MSH6: variants seen among roughly 807,000 people sequenced by gnomAD.
MSH6 encodes the protein mutS homolog 6, also known as DNA mismatch repair protein Msh6.
MSH6 carries 85 observed loss-of-function variants against 119.1 expected under a neutral mutation model. The ratio of observed to expected loss-of-function variants is 0.71; its 90% CI spans 0.60 to 0.85. The LOEUF is 0.85. MSH6 is among the 40% of genes least tolerant of loss of function. MSH6 has a pLI of 0.00. For synonymous variants in MSH6, 830 were observed against 586.9 expected, an observed-to-expected ratio of 1.41 and a Z score of -5.99; for missense variants, 2,163 against 1,655.3, an observed-to-expected ratio of 1.31 and a Z score of -5.32.
In MSH6 at chr2:47,799,992, G is replaced by GGTT; in HGVS notation, c.2011_2013dup (p.Leu671dup). The GGTT allele has an allele frequency of 6.2e-7, 1 of 1,613,960 alleles. No individual in the cohort carries two copies. Among genetic ancestry groups the GGTT allele is most frequent in the Non-Finnish European group, 8.5e-7 (1 of 1,179,980 alleles). On this transcript the variant is annotated inframe_insertion, in exon 4 of 10. Coordinates refer to ENST00000234420, the MANE Select transcript of MSH6 (RefSeq NM_000179.3). Reference sequence around the variant, plus strand: ...ATGACTTCAGAGTCTGATTCCATTGGGTTGACACCAGGAGAGAAAAGTGAA... The same window carrying GGTT: ...ATGACTTCAGAGTCTGATTCCATTGGGTTGTTGACACCAGGAGAGAAAAGTGAA...
Position 47,800,753 on chromosome 2 carries a change from A to T in MSH6, c.2770A>T (p.Thr924Ser), listed in dbSNP as rs758873844. The T allele has an allele frequency of 1.2e-6, 2 of 1,614,158 alleles. No individual in the cohort carries two copies. Among genetic ancestry groups the T allele is most frequent in the Admixed American group, 3.3e-5 (2 of 60,012 alleles). Residue 924 changes from threonine to serine, a missense_variant, in exon 4 of 10, where the codon ACT becomes TCT. Transcript: ENST00000234420. ...TAFDHEKARK[T>S]GLITPKAGFD... ...CTTTGACCATGAAAAGGCTCGAAAG[A>T]CTGGACTTATTACTCCCAAAGCAGG...
At position 47,800,371 on chromosome 2, in the gene MSH6, A is replaced by C. The variant is rs2104404095; in HGVS notation, c.2388A>C (p.Glu796Asp). ...TTAATGATCGTCTAGATGCCATAGA[A>C]GACCTCATGGTTGTGCCTGACAAAA... ...YAINDRLDAI[E>D]DLMVVPDKIS... The change falls in exon 4 of 10, where the codon GAA becomes GAC. Residue 796 changes from glutamate to aspartate, a missense_variant. By Grantham distance (45) the Glu-to-Asp change is conservative. Transcript: ENST00000234420. The C allele has an allele frequency of 6.2e-7, 1 of 1,614,156 alleles. No homozygotes were observed. The highest frequency in any genetic ancestry group is 1.1e-5 in the South Asian group (1 of 91,074).
Position 47,801,991 on chromosome 2 carries a change from A to C in MSH6, c.3172+836A>C, listed in dbSNP as rs528744963. 2.6e-4 allele frequency among the ~76,000 whole-genome samples: 39 copies of C among 152,310 alleles called. No homozygotes were observed. In the South Asian group the frequency reaches 7.9e-3, roughly 31 times the overall value. ...TACTTCATGAGACAGGCTTTATTTT[A>C]GATCGAATTTTATTTATCAATAAAA... is the stretch of plus-strand genomic sequence containing the variant. On this transcript the variant is annotated intron_variant, in intron 4 of 9. Coordinates refer to ENST00000234420, the MANE Select transcript of MSH6 (RefSeq NM_000179.3).
chr2:47,786,025 A>C (rs888977342), intron 1 of MSH6, among the ~76,000 whole-genome samples: 1 of 152,224 alleles, frequency 6.6e-6, no homozygotes, highest in African/African-American at 2.4e-5. Flanking sequence ...TCCTGGATAC[A>C]ACCATGAACA....
chr2:47,788,628 G>T (rs1668500186), intron 1 of MSH6, among the ~76,000 whole-genome samples: 1 of 141,204 alleles, frequency 7.1e-6, no homozygotes, highest in African/African-American at 2.7e-5. Context: ...GGAGTGTAGT[G>T]GCATGATCTG....
chr2:47,797,848 TC>T, intron 3 of MSH6: 1 of 234,416 alleles, frequency 4.3e-6, no homozygotes, highest in Non-Finnish European at 8.9e-6. Context: ...TCTTACCTCC[TC>T]CCAGTTCAAA....
intron 1 of MSH6, among the ~76,000 whole-genome samples, chr2:47,786,947 T>G (rs1400631210): frequency 6.6e-6 from 1 of 152,142 alleles, no homozygotes; most frequent in Non-Finnish European, 1.5e-5. Context: ...TATGGCATCT[T>G]TCGATGAACA....
In MSH6 at chr2:47,806,406, A is replaced by C. The variant is rs570646527; in HGVS notation, c.3802-46A>C. On this transcript the variant is annotated intron_variant, in intron 8 of 9. Transcript: ENST00000234420. Reference sequence around the variant, plus strand: ...CACAAATTCGGTTTTTTGAGAGGGCACTTCTCTTGCTAGCACATGTATCGC... The same window carrying C: ...CACAAATTCGGTTTTTTGAGAGGGCCCTTCTCTTGCTAGCACATGTATCGC... 2.3e-4 allele frequency: 363 copies of C among 1,591,886 alleles called. 1 individual carries two copies. In the African/African-American group the frequency reaches 4.5e-3, roughly 20 times the overall value.
In MSH6 at chr2:47,799,665, T is replaced by A. The variant is rs1042131614; in HGVS notation, c.1682T>A (p.Val561Asp). ...ACTCGTGCATATGGTGTGTGCTTTG[T>A]TGATACTTCACTGGGAAAGTTTTTC... ...GHTRAYGVCF[V>D]DTSLGKFFIG... Residue 561 changes from valine (V) to aspartate (D), a missense_variant, in exon 4 of 10, where the codon GTT (valine) becomes GAT (aspartate). Physicochemically the swap from Val to Asp is radical, Grantham distance 152. Coordinates refer to ENST00000234420, the MANE Select transcript of MSH6 (RefSeq NM_000179.3). 6.2e-7 allele frequency: 1 copy of A among 1,614,218 alleles called. No individual in the cohort carries two copies. The highest frequency in any genetic ancestry group is 2.2e-5 in the East Asian group (1 of 44,884).
chr2:47,799,897 T>C lies in MSH6; in HGVS notation c.1914T>C (p.Leu638=), dbSNP rs766310490. The C allele has an allele frequency of 8.1e-6, 13 of 1,614,104 alleles. 1 individual carries two copies. In the East Asian group the frequency reaches 2.7e-4, roughly 33 times the overall value. The change falls in exon 4 of 10, where the codon CTT becomes CTC. Residue 638 remains leucine, a synonymous_variant. Transcript: ENST00000234420. ...CATCCAAAACTTTGAGAACTCTCCT[T>C]GAGGAAGAATATTTTAGGGAAAAGC... ...WDASKTLRTL[L]EEEYFREKLS... is the part of the protein sequence containing the mutation.
In MSH6 at chr2:47,786,632, C is replaced by A. The variant is rs1254111734; in HGVS notation, c.260+3139C>A. 2.6e-5 allele frequency among the ~76,000 whole-genome samples: 4 copies of A among 152,280 alleles called. No homozygotes were observed. In the South Asian group the frequency reaches 8.3e-4, roughly 32 times the overall value. On this transcript the variant is annotated intron_variant, in intron 1 of 9. Transcript: ENST00000234420. The stretch of plus-strand genomic sequence containing the variant: ...TACAGGCGTGAACCACCGCACCTGG[C>A]CGTGAGCCACCGTGTCTGTCCGAGC...
chr2:47,801,230 A>AT, intron 4 of MSH6, 75 bp downstream of exon 4: 1 of 1,462,566 alleles, frequency 6.8e-7, no homozygotes, highest in Middle Eastern at 1.8e-4. Context: ...ATCCCTAAAA[A>AT]TAAGTAATAA....
chr2:47,797,928 A>G (rs1430008174), intron 3 of MSH6: 2 of 214,214 alleles, frequency 9.3e-6, no homozygotes, highest in African/African-American at 4.7e-5. Context: ...AAGCCTCAGC[A>G]CAATCTTTTT....
At chr2:47,797,427 A>G (rs933270596) in intron 3 of MSH6, among the ~76,000 whole-genome samples, 6 of 152,220 alleles carry the variant, frequency 3.9e-5, no homozygotes, top group South Asian at 2.1e-4. Context: ...TTAGCCTAAT[A>G]CTGGTTTAAC....
In MSH6 at chr2:47,787,083, T is replaced by G. The variant is rs558005608; in HGVS notation, c.260+3590T>G. The stretch of plus-strand genomic sequence containing the variant: ...GCTCATGCCTGTAAACCCAACACTT[T>G]GGGAGGCCAAGGCAGGCCAACATGG... On this transcript the variant is annotated intron_variant, in intron 1 of 9. Coordinates refer to ENST00000234420, the MANE Select transcript of MSH6 (RefSeq NM_000179.3). 1.2e-3 allele frequency among the ~76,000 whole-genome samples: 188 copies of G among 152,326 alleles called. 1 individual carries two copies. The highest frequency in any genetic ancestry group is 4.3e-3 in the African/African-American group (177 of 41,582).
At chr2:47,788,813 C>G (rs813874) in intron 1 of MSH6, among the ~76,000 whole-genome samples, 1 of 148,930 alleles carries the variant, frequency 6.7e-6, no homozygotes, top group Non-Finnish European at 1.5e-5. Context: ...CTCAGGTGAT[C>G]TGCCTGCCTC....
intron 1 of MSH6, among the ~76,000 whole-genome samples, chr2:47,789,899 T>C (rs2104076694): frequency 6.6e-6 from 1 of 152,196 alleles, no homozygotes; most frequent in South Asian, 2.1e-4. Flanking sequence ...CACAGCTCAC[T>C]GCACCTTTAA....
chr2:47,804,823 C>G, intron 5 of MSH6, 87 bp from the exon 6 acceptor site: 1 of 979,612 alleles, frequency 1.0e-6, no homozygotes, highest in Non-Finnish European at 1.7e-6. Context: ...GAGTGCCTAG[C>G]TCTTACGTAA....
At chr2:47,795,112 T>A (rs2104208390) in intron 2 of MSH6, among the ~76,000 whole-genome samples, 1 of 152,148 alleles carries the variant, frequency 6.6e-6, no homozygotes, top group Non-Finnish European at 1.5e-5. Flanking sequence ...TTAAGAAAGA[T>A]TCTCAAACCT....
Sources: gnomAD v4.1 joint callset for allele counts (sites outside exome capture counted in the v4.1 genomes callset) on GRCh38, gnomAD v4.1.1 for gene constraint, MANE v1.5 for transcripts, NCBI Gene and HGNC (gene_info 2026-07-23, HGNC 2026-07-21) for gene names.